KCNQ5: variants seen among roughly 807,000 people sequenced by gnomAD.
The protein encoded by KCNQ5 is potassium voltage-gated channel subfamily KQT member 5.
Under a neutral mutation model 98.2 loss-of-function variants are expected in KCNQ5, and 30 were observed. The observed-to-expected ratio is 0.31, with a 90% CI of 0.23 to 0.41. KCNQ5 has a LOEUF of 0.41. Among genes scored for constraint, KCNQ5 ranks in the 10% least tolerant of loss-of-function variants. The pLI is 1.00. For missense variants in KCNQ5, 835 were observed against 1,182.5 expected (o/e 0.71, Z 4.31); for synonymous variants, 458 against 449.4 (o/e 1.02, Z -0.24).
intron 1 of KCNQ5, among the ~76,000 whole-genome samples, chr6:72,856,453 C>T (rs1777534069): frequency 1.1e-5 from 1 of 91,562 alleles, no homozygotes; most frequent in Admixed American, 1.4e-4. Context: ...CATACACACA[C>T]ACACACACAC....
chr6:72,789,866 T>G (rs1349855676), intron 1 of KCNQ5, among the ~76,000 whole-genome samples: 1 of 152,208 alleles, frequency 6.6e-6, no homozygotes, highest in Non-Finnish European at 1.5e-5. Context: ...TTGTTTTCCT[T>G]TTGGAGGCCG....
At chr6:72,888,882 C>T (rs545406483) in intron 1 of KCNQ5, among the ~76,000 whole-genome samples, 41 of 152,208 alleles carry the variant, frequency 2.7e-4, no homozygotes, top group Middle Eastern at 3.4e-3. Flanking sequence ...ACTGGGGATA[C>T]AGCAGTGCGC....
At chr6:72,941,577 C>T (rs903506185) in intron 1 of KCNQ5, among the ~76,000 whole-genome samples, 24 of 142,454 alleles carry the variant, frequency 1.7e-4, no homozygotes, top group African/African-American at 6.3e-4. Context: ...CTTCCTCCTT[C>T]CCTCCCTCCC....
At chr6:72,926,938 T>C (rs766039114) in intron 1 of KCNQ5, among the ~76,000 whole-genome samples, 1 of 152,132 alleles carries the variant, frequency 6.6e-6, no homozygotes, top group South Asian at 2.1e-4. Flanking sequence ...AGAGTTGTAG[T>C]TGCTAAGAAC....
intron 1 of KCNQ5, among the ~76,000 whole-genome samples, chr6:72,681,185 G>T (rs1239680034): frequency 6.6e-6 from 1 of 152,218 alleles, no homozygotes; most frequent in Admixed American, 6.5e-5. Context: ...CATTGAGGAC[G>T]TGAGAAGAAA....
chr6:72,985,642 G>C (rs565960303), intron 1 of KCNQ5, among the ~76,000 whole-genome samples: 1 of 152,126 alleles, frequency 6.6e-6, no homozygotes, highest in East Asian at 1.9e-4. Context: ...GGCTAGTATT[G>C]AAAAGTCAAA....
chr6:72,764,676 T>C (rs938404286), intron 1 of KCNQ5, among the ~76,000 whole-genome samples: 3 of 152,014 alleles, frequency 2.0e-5, no homozygotes, highest in African/African-American at 7.2e-5. Flanking sequence ...ACTATAGTCA[T>C]CCTTTTGTGC....
At chr6:72,723,075 A>G (rs1355571824) in intron 1 of KCNQ5, among the ~76,000 whole-genome samples, 1 of 151,746 alleles carries the variant, frequency 6.6e-6, no homozygotes, top group Non-Finnish European at 1.5e-5. Context: ...AGCTCAAGCA[A>G]TCCTCCCTGG....
intron 1 of KCNQ5, among the ~76,000 whole-genome samples, chr6:72,673,990 C>G (rs1018159875): frequency 1.2e-4 from 19 of 152,088 alleles, no homozygotes; most frequent in African/African-American, 4.6e-4. Flanking sequence ...GAATTTCAAC[C>G]AGTATTAGTA....
chr6:73,105,115 G>T, intron 5 of KCNQ5, 142 bp from the exon 6 acceptor site: 1 of 495,136 alleles, frequency 2.0e-6, no homozygotes, highest in Non-Finnish European at 3.6e-6. Flanking sequence ...ATGCGTCATG[G>T]AAAATTAAAG....
At chr6:72,941,223 A>G (rs944239849) in intron 1 of KCNQ5, among the ~76,000 whole-genome samples, 3 of 151,870 alleles carry the variant, frequency 2.0e-5, no homozygotes, top group South Asian at 4.1e-4. Context: ...GCTTCCTTCT[A>G]TCTGCATGCA....
At chr6:72,709,733 T>C (rs1362247872) in intron 1 of KCNQ5, among the ~76,000 whole-genome samples, 1 of 152,200 alleles carries the variant, frequency 6.6e-6, no homozygotes, top group Non-Finnish European at 1.5e-5. Flanking sequence ...CAGACATTCT[T>C]CCTGTACTAC....
chr6:72,630,644 A>G (rs2098920305), intron 1 of KCNQ5: 1 of 152,230 alleles, frequency 6.6e-6, no homozygotes, highest in African/African-American at 2.4e-5. Flanking sequence ...AATCTATAAA[A>G]TAGAAATAAA....
intron 1 of KCNQ5, among the ~76,000 whole-genome samples, chr6:72,687,576 A>T (rs529631477): frequency 6.6e-6 from 1 of 152,310 alleles, no homozygotes; most frequent in South Asian, 2.1e-4. Flanking sequence ...GACTGGGAAG[A>T]ACATTATGGG....
chr6:72,693,117 T>C (rs796711137), intron 1 of KCNQ5, among the ~76,000 whole-genome samples: 3 of 152,076 alleles, frequency 2.0e-5, no homozygotes, highest in African/African-American at 7.2e-5. Flanking sequence ...TACTAACTTA[T>C]AGATAATAAT....
chr6:72,824,119 G>A (rs915888636), intron 1 of KCNQ5, among the ~76,000 whole-genome samples: 7 of 151,756 alleles, frequency 4.6e-5, no homozygotes, highest in African/African-American at 1.7e-4. Context: ...TTAGAGGTTT[G>A]TCTTCCATAT....
At chr6:72,831,393 G>A (rs1385421835) in intron 1 of KCNQ5, among the ~76,000 whole-genome samples, 1 of 152,122 alleles carries the variant, frequency 6.6e-6, no homozygotes, top group African/African-American at 2.4e-5. Context: ...GGAATACTAT[G>A]CAGCCATAAA....
chr6:72,964,075 A>C, intron 1 of KCNQ5, among the ~76,000 whole-genome samples: 1 of 152,326 alleles, frequency 6.6e-6, no homozygotes, highest in East Asian at 1.9e-4. Context: ...TTTTTTAAAA[A>C]TGAATATTTA....
chr6:72,665,789 G>A (rs113568643), intron 1 of KCNQ5, among the ~76,000 whole-genome samples: 2,018 of 152,290 alleles, frequency 0.013, 33 homozygotes, highest in African/African-American at 0.042. Flanking sequence ...ACACTCTGTT[G>A]TCTTTGAGGT....
Sources: allele counts gnomAD v4.1 joint callset (sites outside exome capture counted in the v4.1 genomes callset), GRCh38; gene constraint gnomAD v4.1.1; transcripts MANE v1.5; gene names NCBI Gene and HGNC (gene_info 2026-07-23, HGNC 2026-07-21).